The following IFT80 variants were observed in gnomAD, a reference collection of about 807,000 sequenced individuals.
IFT80 encodes the protein intraflagellar transport 80, also known as intraflagellar transport protein 80 homolog.
A neutral mutation model predicts 107.9 loss-of-function variants in IFT80; 79 were observed. That is an observed-to-expected ratio of 0.73 (90% CI 0.61 to 0.88). The LOEUF (loss-of-function observed/expected upper bound fraction) is 0.88. IFT80 is among the 40% of genes least tolerant of loss of function. The pLI, the probability that IFT80 is intolerant of heterozygous loss-of-function variation, is 0.00. For missense variants in IFT80, 797 were observed against 914.2 expected (o/e 0.87, Z 1.65); for synonymous variants, 299 against 300.9 (o/e 0.99, Z 0.07).
chr3:160,316,625 TATACATTG>T (rs1466797948), intron 9 of IFT80, among the ~76,000 whole-genome samples: 2 of 152,158 alleles, frequency 1.3e-5, no homozygotes, highest in African/African-American at 4.8e-5. Context: ...TTCTCATAAA[TATACATTG>T]ATTTTCCTTT....
intron 1 of IFT80, among the ~76,000 whole-genome samples, chr3:160,391,378 C>T (rs976068430): frequency 2.0e-5 from 3 of 152,222 alleles, no homozygotes; most frequent in East Asian, 1.9e-4. Context: ...TTCTTATAAA[C>T]GTTACATAAA....
At chr3:160,358,363 T>C (rs1721253804) in intron 6 of IFT80, among the ~76,000 whole-genome samples, 1 of 151,872 alleles carries the variant, frequency 6.6e-6, no homozygotes, top group Admixed American at 6.6e-5. Flanking sequence ...TTTACTACCC[T>C]CTTCATTTCA....
At chr3:160,386,792 A>G (rs1712969959) in intron 1 of IFT80, among the ~76,000 whole-genome samples, 1 of 152,216 alleles carries the variant, frequency 6.6e-6, no homozygotes, top group Non-Finnish European at 1.5e-5. Context: ...TTTAAAGCTA[A>G]GTCAGAATAT....
chr3:160,372,215 G>A (rs929970162), intron 5 of IFT80, among the ~76,000 whole-genome samples: 3 of 152,136 alleles, frequency 2.0e-5, no homozygotes, highest in East Asian at 1.9e-4. Flanking sequence ...ACACTTTACA[G>A]ATTTCCAAAT....
chr3:160,333,408 C>A (rs1220997284), intron 8 of IFT80, among the ~76,000 whole-genome samples: 1 of 152,166 alleles, frequency 6.6e-6, no homozygotes, highest in Non-Finnish European at 1.5e-5. Flanking sequence ...TTATAAACCT[C>A]TTAATTTTTT....
At chr3:160,381,862 C>T in intron 2 of IFT80, 138 bp from the exon 3 acceptor site, 1 of 692,958 alleles carries the variant, frequency 1.4e-6, no homozygotes, top group Non-Finnish European at 2.5e-6. Flanking sequence ...CATTTTATGA[C>T]TGGTATTTTT....
At chr3:160,382,788 C>A (rs567229884) in intron 2 of IFT80, among the ~76,000 whole-genome samples, 99 of 152,154 alleles carry the variant, frequency 6.5e-4, no homozygotes, top group Middle Eastern at 3.4e-3. Flanking sequence ...GCAGACAATG[C>A]GCCTAATTAT....
chr3:160,398,500 T>G (rs901880438), intron 1 of IFT80, among the ~76,000 whole-genome samples: 5 of 152,206 alleles, frequency 3.3e-5, no homozygotes, highest in African/African-American at 1.2e-4. Context: ...TTTAACAATA[T>G]AGGGAATTAG....
At chr3:160,264,897 TCCTACCCAACCTCTAC>T (rs1423917870) in intron 19 of IFT80, among the ~76,000 whole-genome samples, 1 of 152,148 alleles carries the variant, frequency 6.6e-6, no homozygotes, top group African/African-American at 2.4e-5. Context: ...TATTCTCATC[TCCTACCCAACCTCTAC>T]CCTGCAGTGA....
At chr3:160,325,436 T>C (rs1718612336) in intron 8 of IFT80, among the ~76,000 whole-genome samples, 1 of 152,120 alleles carries the variant, frequency 6.6e-6, no homozygotes, top group Non-Finnish European at 1.5e-5. Context: ...TACAGATGCA[T>C]GATCCTAAGA....
At chr3:160,283,116 G>T (rs1329854825) in intron 13 of IFT80, among the ~76,000 whole-genome samples, 1 of 152,038 alleles carries the variant, frequency 6.6e-6, no homozygotes, top group Non-Finnish European at 1.5e-5. Context: ...TGTAATGTAG[G>T]TATTACTATA....
At chr3:160,353,933 A>C (rs1015294013) in intron 8 of IFT80, among the ~76,000 whole-genome samples, 23 of 152,212 alleles carry the variant, frequency 1.5e-4, no homozygotes, top group African/African-American at 5.3e-4. Flanking sequence ...TAAACCTTTA[A>C]TATGTTTTTA....
At chr3:160,312,176 G>C (rs55687857) in intron 9 of IFT80, among the ~76,000 whole-genome samples, 79,728 of 151,880 alleles carry the variant, frequency 0.52, 21,382 homozygotes, top group African/African-American at 0.56. Context: ...AGGTTGTGTA[G>C]TGCACAACTC....
rs553489012 is a variant in IFT80 at position 160,363,178 on chromosome 3, T to A, written c.549+2865A>T. Among the ~76,000 whole-genome samples the A allele has an allele frequency of 5.3e-5, 8 of 152,270 alleles. No homozygotes were observed. In the East Asian group the frequency reaches 1.5e-3, roughly 29 times the overall value. On this transcript the variant is annotated intron_variant, in intron 6 of 19. Coordinates refer to ENST00000326448, the MANE Select transcript of IFT80 (RefSeq NM_020800.3). ...AACCAACTTCAGCAAAGTCTCAGGA[T>A]ACAAAATCAGTATGCAAAAATCACA...
At chr3:160,389,638 T>C (rs892684822) in intron 1 of IFT80, among the ~76,000 whole-genome samples, 43 of 151,920 alleles carry the variant, frequency 2.8e-4, no homozygotes, top group Middle Eastern at 3.2e-3. Context: ...ATTTCATCCA[T>C]GTCCCTACAA....
chr3:160,361,254 C>G (rs1455528034), intron 6 of IFT80, among the ~76,000 whole-genome samples: 2 of 152,044 alleles, frequency 1.3e-5, no homozygotes, highest in Non-Finnish European at 2.9e-5. Context: ...GACTTTAAAC[C>G]AACAAAGATC....
At chr3:160,347,585 C>A (rs1365758671) in intron 8 of IFT80, among the ~76,000 whole-genome samples, 1 of 152,132 alleles carries the variant, frequency 6.6e-6, no homozygotes, top group African/African-American at 2.4e-5. Context: ...TACTATCCAA[C>A]AACAATGGGT....
Position 160,335,338 on chromosome 3 carries a change from C to T in IFT80, c.778-15399G>A, listed in dbSNP as rs992279631. Among the ~76,000 whole-genome samples the T allele has an allele frequency of 3.9e-5, 6 of 151,964 alleles. No homozygotes were observed. In the East Asian group the frequency reaches 5.8e-4, roughly 15 times the overall value. On this transcript the variant is annotated intron_variant, in intron 8 of 19. Transcript: ENST00000326448. ...CTTTGCCTCCCAGGTTCTCCTGCCT[C>T]AGCCTCCCGAGTAGCTGGGACTACA...
At chr3:160,262,668 A>C (rs1053291123) in intron 19 of IFT80, among the ~76,000 whole-genome samples, 21 of 152,192 alleles carry the variant, frequency 1.4e-4, no homozygotes, top group African/African-American at 4.8e-4. Context: ...GTCGTCCCTG[A>C]GCTGACAAGA....
Sources: gnomAD v4.1 joint callset for allele counts (sites outside exome capture counted in the v4.1 genomes callset) on GRCh38, gnomAD v4.1.1 for gene constraint, MANE v1.5 for transcripts, NCBI Gene and HGNC (gene_info 2026-07-23, HGNC 2026-07-21) for gene names.